NRXN3: variants seen among roughly 807,000 people sequenced by gnomAD.
NRXN3 encodes the protein neurexin 3, also known as neurexin III.
Under a neutral mutation model 137.6 loss-of-function variants are expected in NRXN3, and 32 were observed. The ratio of observed to expected loss-of-function variants is 0.23; its 90% CI spans 0.18 to 0.31. The LOEUF is 0.31. NRXN3 is among the 10% of genes least tolerant of loss of function. The probability of loss-of-function intolerance (pLI) is 1.00; values close to 1 mark genes in which losing one functional copy is unlikely to be tolerated. For synonymous variants in NRXN3, 798 were observed against 784.5 expected (o/e 1.02, Z -0.29); for missense variants, 1,574 against 2,062.5 (o/e 0.76, Z 4.59).
rs1435766497 is a variant in NRXN3, at chr14:79,663,938, A to G, written c.3605A>G (p.His1202Arg). The change falls in exon 17 of 21, where the codon CAT becomes CGT. Residue 1202 changes from histidine to arginine, a missense_variant. By Grantham distance (29) the His-to-Arg change is conservative. This residue lies in a region of NRXN3 where 133 missense variants were observed against 241.8 expected (regional missense o/e 0.55). Coordinates refer to ENST00000335750, the MANE Select transcript of NRXN3 (RefSeq NM_001330195.2). Reference protein sequence around the residue: ...LQVDNWPVNEHYPTGNTDNER... With the variant: ...LQVDNWPVNERYPTGNTDNER... ...GTGGACAACTGGCCAGTGAATGAAC[A>G]TTATCCTACAGGTACATGTTGTTCG... The G allele has an allele frequency of 1.2e-6, 2 of 1,613,390 alleles. No homozygotes were observed. The highest frequency in any genetic ancestry group is 8.5e-7 in the Non-Finnish European group (1 of 1,179,576).
chr14:79,527,871 CAAA>C (rs33938281), intron 16 of NRXN3, among the ~76,000 whole-genome samples: 7,420 of 118,390 alleles, frequency 0.063, 198 homozygotes, highest in Middle Eastern at 0.12. Context: ...ACTCCTTCGC[CAAA>C]AAAAAAAAAA....
intron 10 of NRXN3, among the ~76,000 whole-genome samples, chr14:78,870,916 A>G (rs151085787): frequency 3.5e-4 from 53 of 151,790 alleles, no homozygotes; most frequent in African/African-American, 1.2e-3. Flanking sequence ...TAGCTGAATA[A>G]TATTTCATTT....
chr14:79,139,416 G>C (rs892860108), intron 15 of NRXN3, among the ~76,000 whole-genome samples: 20 of 152,136 alleles, frequency 1.3e-4, no homozygotes, highest in Admixed American at 1.1e-3. Flanking sequence ...AAGGAAGTCA[G>C]TCCTAGTAAA....
chr14:79,357,862 G>C (rs1184522073), intron 15 of NRXN3, among the ~76,000 whole-genome samples: 1 of 152,160 alleles, frequency 6.6e-6, no homozygotes, highest in African/African-American at 2.4e-5. Context: ...TGTTTGAATT[G>C]TTTATGTGCA....
chr14:79,688,479 A>G (rs1030351765), intron 17 of NRXN3, among the ~76,000 whole-genome samples: 1 of 152,174 alleles, frequency 6.6e-6, no homozygotes, highest in Admixed American at 6.5e-5. Flanking sequence ...CATGTTATAC[A>G]AGAGTTCTAT....
chr14:78,694,067 C>T (rs572167685), intron 6 of NRXN3, among the ~76,000 whole-genome samples: 1 of 152,088 alleles, frequency 6.6e-6, no homozygotes, highest in South Asian at 2.1e-4. Flanking sequence ...AGTACTCCAT[C>T]CTTTCAAAGG....
chr14:79,000,648 C>G (rs373061965), intron 15 of NRXN3, among the ~76,000 whole-genome samples: 7 of 152,060 alleles, frequency 4.6e-5, no homozygotes, highest in Admixed American at 4.6e-4. Context: ...TTCCCTCACA[C>G]TGGCACTAAA....
At chr14:79,382,836 A>C (rs1599488815) in intron 15 of NRXN3, among the ~76,000 whole-genome samples, 2 of 152,288 alleles carry the variant, frequency 1.3e-5, no homozygotes, top group South Asian at 4.1e-4. Context: ...TGAGGTTCCA[A>C]CTTTACGATT....
At chr14:79,512,315 T>A (rs2096939779) in intron 16 of NRXN3, among the ~76,000 whole-genome samples, 1 of 152,164 alleles carries the variant, frequency 6.6e-6, no homozygotes, top group Admixed American at 6.5e-5. Context: ...TGGGGAAAAT[T>A]TCCTAATGTG....
intron 4 of NRXN3, among the ~76,000 whole-genome samples, chr14:78,495,084 CTTTT>C (rs5809891): frequency 8.6e-6 from 1 of 115,918 alleles, no homozygotes; most frequent in Non-Finnish European, 1.8e-5. Context: ...ATATTCTTGA[CTTTT>C]TTTTTTTTTT....
At chr14:78,248,673 A>G (rs1200461400) in intron 2 of NRXN3, among the ~76,000 whole-genome samples, 1 of 152,026 alleles carries the variant, frequency 6.6e-6, no homozygotes, top group Non-Finnish European at 1.5e-5. Context: ...GAATTATAAC[A>G]TGGCATTGTT....
At position 78,242,528 on chromosome 14, in the gene NRXN3, C is replaced by T; in HGVS notation, c.-566C>T. 1 of 153,918 alleles carries T rather than the reference C, an allele frequency of 6.5e-6. No homozygotes were observed. The highest frequency in any genetic ancestry group is 1.4e-5 in the Non-Finnish European group (1 of 69,266). The allele number at this position is 153,918 out of a possible 1,614,324, so 9.5% of individuals were successfully genotyped here. A position where few individuals can be genotyped will look rare whatever the true frequency, so the allele number is the denominator to read the frequency against. ...GGGCTTCTAGCTGCCCCCCTCCCCA[C>T]AGCCTGCCGCTGCTAGGAGGTAGAA... is the stretch of plus-strand genomic sequence containing the variant. On this transcript the variant is annotated 5_prime_UTR_variant, in exon 2 of 21. Coordinates refer to ENST00000335750, the MANE Select transcript of NRXN3 (RefSeq NM_001330195.2).
Position 79,593,447 on chromosome 14 carries a change from G to A in NRXN3, c.3445-70331G>A, listed in dbSNP as rs553689550. ...AGATCGAGACCATCCTGGCTAACAC[G>A]GTGAAGCCCTGTCTCTACTAAAAAT... On this transcript the variant is annotated intron_variant, in intron 16 of 20. Transcript: ENST00000335750. Among the ~76,000 whole-genome samples, 6 of 152,080 alleles carry A rather than the reference G, an allele frequency of 3.9e-5. No homozygotes were observed. In the East Asian group the frequency reaches 9.7e-4, roughly 25 times the overall value.
chr14:78,667,338 T>G (rs2097895531), intron 6 of NRXN3, among the ~76,000 whole-genome samples: 1 of 152,198 alleles, frequency 6.6e-6, no homozygotes, highest in Non-Finnish European at 1.5e-5. Flanking sequence ...TCAAATGAGA[T>G]GATGCAATAA....
intron 15 of NRXN3, among the ~76,000 whole-genome samples, chr14:79,412,159 A>G (rs1409929992): frequency 1.3e-5 from 2 of 152,120 alleles, no homozygotes; most frequent in East Asian, 1.9e-4. Flanking sequence ...CACCAAGTAT[A>G]TATGGTCCTG....
At chr14:79,773,360 A>G (rs1311407395) in intron 19 of NRXN3, among the ~76,000 whole-genome samples, 1 of 152,078 alleles carries the variant, frequency 6.6e-6, no homozygotes, top group Non-Finnish European at 1.5e-5. Context: ...TCACAACAGC[A>G]AAGACTTGGA....
chr14:78,567,944 C>T (rs976922032), intron 4 of NRXN3, among the ~76,000 whole-genome samples: 8 of 152,126 alleles, frequency 5.3e-5, no homozygotes, highest in African/African-American at 1.9e-4. Context: ...TCATTCCTTT[C>T]ATTCAGGGTT....
chr14:78,558,406 G>T (rs991471949), intron 4 of NRXN3, among the ~76,000 whole-genome samples: 1 of 152,164 alleles, frequency 6.6e-6, no homozygotes, highest in African/African-American at 2.4e-5. Context: ...TCTAAACAAA[G>T]TGTGTTTCTG....
intron 10 of NRXN3, among the ~76,000 whole-genome samples, chr14:78,880,226 C>T (rs1358003665): frequency 2.7e-5 from 3 of 110,100 alleles, no homozygotes; most frequent in African/African-American, 4.6e-5. Flanking sequence ...GGCGACAGAG[C>T]GAGACTCCGT....
Sources: allele counts gnomAD v4.1 joint callset (sites outside exome capture counted in the v4.1 genomes callset), GRCh38; gene constraint gnomAD v4.1.1; regional missense constraint gnomAD v4.1.1; transcripts MANE v1.5; gene names NCBI Gene and HGNC (gene_info 2026-07-23, HGNC 2026-07-21).